The following SOX5 variants were observed in gnomAD, a reference collection of about 807,000 sequenced individuals.
SOX5 encodes the protein transcription factor SOX-5.
Under a neutral mutation model 92.0 loss-of-function variants are expected in SOX5, and 9 were observed. The ratio of observed to expected loss-of-function variants is 0.10; its 90% CI spans 0.06 to 0.17. The LOEUF (loss-of-function observed/expected upper bound fraction) is 0.17, where lower values mean the gene tolerates loss of function less well. SOX5 is among the 10% of genes least tolerant of loss of function. The pLI is 1.00. For missense variants in SOX5, 642 were observed against 944.5 expected, an observed-to-expected ratio of 0.68 and a Z score of 4.20; for synonymous variants, 344 against 336.3, an observed-to-expected ratio of 1.02 and a Z score of -0.25.
In SOX5 at chr12:23,584,172, T is replaced by G. The variant is rs536048043; in HGVS notation, c.1165-8334A>C. 4.6e-5 allele frequency among the ~76,000 whole-genome samples: 7 copies of G among 152,218 alleles called. No homozygotes were observed. In the South Asian group the frequency reaches 1.5e-3, roughly 32 times the overall value. On this transcript the variant is annotated intron_variant, in intron 9 of 14. Coordinates refer to ENST00000451604, the MANE Select transcript of SOX5 (RefSeq NM_006940.6). ...TCAAAGCAAATCAGTGGTAGAAGGT[T>G]TGATCCACTGGAGTCATATAAAAGA... is the stretch of plus-strand genomic sequence containing the variant.
intron 4 of SOX5, among the ~76,000 whole-genome samples, chr12:24,018,184 A>G (rs550321508): frequency 6.6e-6 from 1 of 152,284 alleles, no homozygotes; most frequent in Non-Finnish European, 1.5e-5. Context: ...GACCACGTCC[A>G]TTTCACAGCC....
At chr12:24,095,090 A>AACACACACACACACAC (rs150030739) in intron 4 of SOX5, among the ~76,000 whole-genome samples, 56 of 131,628 alleles carry the variant, frequency 4.3e-4, no homozygotes, top group African/African-American at 1.0e-3. Context: ...CTAGCCCCGA[A>AACACACACACACACAC]ACACACACAC....
chr12:24,358,141 C>A (rs1460945832), intron 2 of SOX5, among the ~76,000 whole-genome samples: 2 of 152,204 alleles, frequency 1.3e-5, no homozygotes, highest in African/African-American at 4.8e-5. Context: ...TGATTCTCTA[C>A]AGGATGGTTT....
At chr12:23,908,973 GAA>G (rs532844770) in intron 1 of SOX5, among the ~76,000 whole-genome samples, 1 of 145,294 alleles carries the variant, frequency 6.9e-6, no homozygotes, top group Non-Finnish European at 1.5e-5. Flanking sequence ...GTTGTTTTTA[GAA>G]AAAAAAAAAG....
chr12:24,203,260 T>A (rs980375013), intron 4 of SOX5, among the ~76,000 whole-genome samples: 1 of 152,196 alleles, frequency 6.6e-6, no homozygotes, highest in Admixed American at 6.5e-5. Context: ...TATTTCAATG[T>A]TTTCATCATT....
chr12:24,553,847 T>G lies in SOX5; in HGVS notation c.-251+8482A>C, dbSNP rs557242565. Among the ~76,000 whole-genome samples, 5 of 152,372 alleles carry G rather than the reference T, an allele frequency of 3.3e-5. No homozygotes were observed. The East Asian group carries it at 9.6e-4, about 29-fold the overall frequency. On this transcript the variant is annotated intron_variant, in intron 1 of 4. Transcript: ENST00000446891. ...AAATAGAGGACCTATGAAATTTCTT[T>G]ACATGCTGATAGATCTCTATCTGTT...
At chr12:23,937,396 A>G (rs1448719883) in intron 1 of SOX5, among the ~76,000 whole-genome samples, 4 of 150,876 alleles carry the variant, frequency 2.7e-5, no homozygotes, top group Non-Finnish European at 6.0e-5. Context: ...TTTGCCTATA[A>G]TTTCCTATCC....
intron 1 of SOX5, among the ~76,000 whole-genome samples, chr12:24,549,930 GA>G (rs1952989610): frequency 1.3e-5 from 2 of 152,188 alleles, no homozygotes; most frequent in African/African-American, 4.8e-5. Context: ...TTCAGGGTGA[GA>G]GGGGTGAATA....
intron 6 of SOX5, among the ~76,000 whole-genome samples, chr12:23,706,180 A>AG (rs1254833890): frequency 6.6e-6 from 1 of 152,064 alleles, no homozygotes; most frequent in Non-Finnish European, 1.5e-5. Context: ...AATGGCAAAG[A>AG]GGGGGGAGAA....
At chr12:23,534,650 A>G in intron 14 of SOX5, 128 bp from the exon 15 acceptor site, 1 of 660,290 alleles carries the variant, frequency 1.5e-6, no homozygotes, top group Non-Finnish European at 2.5e-6. Context: ...ATTGCCTAAC[A>G]TTTTTCAAAC....
At chr12:23,793,506 G>A (rs894196462) in intron 3 of SOX5, among the ~76,000 whole-genome samples, 9 of 152,138 alleles carry the variant, frequency 5.9e-5, no homozygotes, top group Non-Finnish European at 1.3e-4. Flanking sequence ...TGGACTGAAG[G>A]AAAAACAAAT....
intron 4 of SOX5, among the ~76,000 whole-genome samples, chr12:24,141,905 C>T (rs905119593): frequency 1.8e-4 from 28 of 151,916 alleles, no homozygotes; most frequent in South Asian, 2.1e-4. Context: ...TGTTTATATT[C>T]GGGTATGATG....
chr12:23,576,144 T>C (rs898339807), intron 9 of SOX5, among the ~76,000 whole-genome samples: 3 of 152,204 alleles, frequency 2.0e-5, no homozygotes, highest in African/African-American at 4.8e-5. Context: ...TATTCATTTG[T>C]ATTGAGAGAT....
intron 1 of SOX5, among the ~76,000 whole-genome samples, chr12:23,947,110 G>T (rs1944716339): frequency 6.6e-6 from 1 of 151,862 alleles, no homozygotes; most frequent in South Asian, 2.1e-4. Flanking sequence ...AGATGGACAA[G>T]ACTCTACCAA....
At position 23,696,203 on chromosome 12, in the gene SOX5, A is replaced by AT. The variant is rs935762011; in HGVS notation, c.811-30640dup. ...TTCTGAAAGTTTGTATAAAATTGGC[A>AT]TTTTTTTTTCTTAAATATTTTTACA... On this transcript the variant is annotated intron_variant, in intron 6 of 14. Transcript: ENST00000451604. Among the ~76,000 whole-genome samples the AT allele has an allele frequency of 8.9e-4, 134 of 150,416 alleles. 1 individual carries two copies. Among genetic ancestry groups the AT allele is most frequent in the African/African-American group, 3.0e-3 (124 of 41,032 alleles).
Position 23,798,323 on chromosome 12 carries a change from T to C in SOX5, c.482-42599A>G, listed in dbSNP as rs116672050. 8.7e-3 allele frequency among the ~76,000 whole-genome samples: 1,326 copies of C among 151,984 alleles called. 18 individuals carry two copies. The highest frequency in any genetic ancestry group is 0.03 in the African/African-American group (1,250 of 41,502). ...AATAATTTGTGCTGCCTGAAAAAAA[T>C]ACAAAATTCTTATTTTTCTCTTTCC... On this transcript the variant is annotated intron_variant, in intron 3 of 14. Transcript: ENST00000451604.
At chr12:24,499,086 A>G (rs1947928259) in intron 1 of SOX5, among the ~76,000 whole-genome samples, 1 of 152,212 alleles carries the variant, frequency 6.6e-6, no homozygotes, top group African/African-American at 2.4e-5. Flanking sequence ...TAGCTCTATC[A>G]TAGTTCTCTC....
In SOX5 at chr12:24,438,455, A is replaced by T. The variant is rs1596633320; in HGVS notation, c.-250-69816T>A. On this transcript the variant is annotated intron_variant, in intron 1 of 4. Coordinates refer to the SOX5 transcript ENST00000446891. ...TTAAAAAAAATATACATATATATAT[A>T]TTTTGTAAGGCTATAGCTGCCATAG... Among the ~76,000 whole-genome samples the T allele has an allele frequency of 2.0e-5, 3 of 152,094 alleles. No homozygotes were observed. In the South Asian group the frequency reaches 6.2e-4, roughly 31 times the overall value.
chr12:24,039,409 A>C (rs986124663), intron 4 of SOX5, among the ~76,000 whole-genome samples: 8 of 152,212 alleles, frequency 5.3e-5, no homozygotes, highest in Admixed American at 5.2e-4. Context: ...CAACATTGAT[A>C]GATAATACTG....
Sources: gnomAD v4.1 joint callset for allele counts (sites outside exome capture counted in the v4.1 genomes callset) on GRCh38, gnomAD v4.1.1 for gene constraint, MANE v1.5 for transcripts, NCBI Gene and HGNC (gene_info 2026-07-23, HGNC 2026-07-21) for gene names.